Variants in LHFPL4 observed in about 807,000 individuals in gnomAD.
LHFPL4 encodes the protein LHFPL tetraspan subfamily member 4.
Under a neutral mutation model 20.0 loss-of-function variants are expected in LHFPL4, and 6 were observed. The observed-to-expected ratio is 0.30, with a 90% CI of 0.16 to 0.59. The LOEUF is 0.59. LHFPL4 is among the 20% of genes least tolerant of loss of function. LHFPL4 has a pLI of 0.88. For missense variants in LHFPL4, 215 were observed against 331.2 expected (o/e 0.65, Z 2.72); for synonymous variants, 129 against 143.8 (o/e 0.90, Z 0.74).
chr3:9,503,116 C>T (rs905521207), intron 3 of LHFPL4, among the ~76,000 whole-genome samples: 10 of 152,104 alleles, frequency 6.6e-5, no homozygotes, highest in Non-Finnish European at 1.3e-4. Flanking sequence ...ACCACAGGTG[C>T]GCGCCATGGC....
intron 2 of LHFPL4, among the ~76,000 whole-genome samples, chr3:9,521,255 G>A (rs1364767756): frequency 7.3e-6 from 1 of 136,064 alleles, no homozygotes; most frequent in African/African-American, 2.8e-5. Context: ...TTGACAGTGT[G>A]GCTCTGTTGC....
intron 2 of LHFPL4, among the ~76,000 whole-genome samples, chr3:9,522,628 C>A (rs145477835): frequency 0.069 from 10,544 of 151,806 alleles, 467 homozygotes; most frequent in African/African-American, 0.13. Context: ...GTAATCCCAG[C>A]TACTCGGGAG....
chr3:9,551,220 A>G (rs1334324913), intron 2 of LHFPL4, among the ~76,000 whole-genome samples: 2 of 152,138 alleles, frequency 1.3e-5, no homozygotes, highest in African/African-American at 4.8e-5. Context: ...CACTTGTTGA[A>G]TGTCCTGAGG....
At chr3:9,529,728 G>A (rs906265933) in intron 2 of LHFPL4, among the ~76,000 whole-genome samples, 17 of 151,974 alleles carry the variant, frequency 1.1e-4, no homozygotes, top group African/African-American at 1.7e-4. Flanking sequence ...TCTACCTCCC[G>A]GGTTCAAGCA....
chr3:9,508,165 T>A (rs1274328197), intron 2 of LHFPL4, among the ~76,000 whole-genome samples: 3 of 152,172 alleles, frequency 2.0e-5, no homozygotes, highest in African/African-American at 7.2e-5. Flanking sequence ...ACATCTACCA[T>A]GGAGGGAATG....
intron 2 of LHFPL4, among the ~76,000 whole-genome samples, chr3:9,526,837 A>T (rs757454139): frequency 5.3e-5 from 8 of 152,234 alleles, no homozygotes; most frequent in Non-Finnish European, 1.2e-4. Context: ...AGATGAGATC[A>T]GGGAAGCTTC....
At chr3:9,539,674 T>C (rs1033066250) in intron 2 of LHFPL4, among the ~76,000 whole-genome samples, 1 of 151,896 alleles carries the variant, frequency 6.6e-6, no homozygotes, top group African/African-American at 2.4e-5. Context: ...ATAGACAAAG[T>C]CAAAAGATAA....
intron 2 of LHFPL4, among the ~76,000 whole-genome samples, chr3:9,546,284 C>T (rs1389908957): frequency 1.3e-5 from 2 of 148,594 alleles, no homozygotes; most frequent in Non-Finnish European, 3.0e-5. Flanking sequence ...CACTGCACTC[C>T]AGCCTAGGTG....
chr3:9,533,518 C>G (rs190527069), intron 2 of LHFPL4, among the ~76,000 whole-genome samples: 96 of 152,344 alleles, frequency 6.3e-4, no homozygotes, highest in Admixed American at 1.5e-3. Flanking sequence ...TGCGGTGGCT[C>G]ACGCCTGTAA....
In LHFPL4 at chr3:9,512,932, C is replaced by A. The variant is rs925712415; in HGVS notation, c.407-6729G>T. Among the ~76,000 whole-genome samples the A allele has an allele frequency of 2.0e-5, 3 of 152,140 alleles. No homozygotes were observed. The South Asian group carries it at 6.2e-4, about 32-fold the overall frequency. On this transcript the variant is annotated intron_variant, in intron 2 of 3. Transcript: ENST00000287585. ...AGCATACCAGCTCTGGACTGCCTCA[C>A]TCTAGGACATTTTTTTGTTTGTTTG...
rs554969314 is a variant in LHFPL4 at position 9,535,001 on chromosome 3, G to C, written c.406+17273C>G. 9.9e-5 allele frequency among the ~76,000 whole-genome samples: 15 copies of C among 152,156 alleles called. No homozygotes were observed. The South Asian group carries it at 3.1e-3, about 32-fold the overall frequency. On this transcript the variant is annotated intron_variant, in intron 2 of 3. Coordinates refer to ENST00000287585, the MANE Select transcript of LHFPL4 (RefSeq NM_198560.3). ...AGTATAAGAGCAAGGGGAGGAGAAG[G>C]AGGAGAAATAATGAAGGAAGGGAGG... is the stretch of plus-strand genomic sequence containing the variant.
At chr3:9,540,643 C>T (rs544490053) in intron 2 of LHFPL4, among the ~76,000 whole-genome samples, 1 of 151,976 alleles carries the variant, frequency 6.6e-6, no homozygotes, top group Admixed American at 6.6e-5. Context: ...CCTGTCATCC[C>T]AGCAATTTGA....
intron 2 of LHFPL4, among the ~76,000 whole-genome samples, chr3:9,546,159 C>CA (rs367705699): frequency 0.035 from 5,243 of 151,558 alleles, 126 homozygotes; most frequent in Non-Finnish European, 0.055. Context: ...ACTAAAAATA[C>CA]AAAAAATTAG....
intron 2 of LHFPL4, among the ~76,000 whole-genome samples, chr3:9,520,978 A>G (rs1194634184): frequency 6.6e-6 from 1 of 151,976 alleles, no homozygotes; most frequent in East Asian, 1.9e-4. Flanking sequence ...TTCTGCCTGG[A>G]TTTTTCCATT....
intron 2 of LHFPL4, among the ~76,000 whole-genome samples, chr3:9,508,929 C>T (rs923098833): frequency 1.3e-5 from 2 of 152,206 alleles, no homozygotes; most frequent in African/African-American, 4.8e-5. Flanking sequence ...GGGGCAAACC[C>T]ACACCGTCCC....
chr3:9,516,175 G>T (rs899253253), intron 2 of LHFPL4, among the ~76,000 whole-genome samples: 2 of 152,108 alleles, frequency 1.3e-5, no homozygotes, highest in Admixed American at 1.3e-4. Context: ...CAAACCCAAG[G>T]TAATCTAGCT....
chr3:9,509,238 C>T (rs2046241167), intron 2 of LHFPL4, among the ~76,000 whole-genome samples: 2 of 89,150 alleles, frequency 2.2e-5, no homozygotes, highest in African/African-American at 9.3e-5. Flanking sequence ...CATCTTTCTT[C>T]GCACCCCCCT....
intron 2 of LHFPL4, among the ~76,000 whole-genome samples, chr3:9,529,012 G>A (rs1255885929): frequency 6.7e-6 from 1 of 149,788 alleles, no homozygotes; most frequent in African/African-American, 2.5e-5. Flanking sequence ...CCACCTCCCG[G>A]GTTTAGGAAA....
intron 2 of LHFPL4, among the ~76,000 whole-genome samples, chr3:9,514,758 T>C (rs1464537279): frequency 6.6e-6 from 1 of 152,238 alleles, no homozygotes; most frequent in East Asian, 1.9e-4. Context: ...GTAATCATAC[T>C]GTATGTAGCC....
Sources: allele counts gnomAD v4.1 joint callset (sites outside exome capture counted in the v4.1 genomes callset), GRCh38; gene constraint gnomAD v4.1.1; transcripts MANE v1.5; gene names NCBI Gene and HGNC (gene_info 2026-07-23, HGNC 2026-07-21).